Variants in CERS6 observed in about 807,000 individuals in gnomAD.
CERS6 encodes the protein ceramide synthase 6.
A neutral mutation model predicts 56.8 loss-of-function variants in CERS6; 26 were observed. The observed-to-expected ratio is 0.46, with a 90% confidence interval of 0.34 to 0.63. The LOEUF (loss-of-function observed/expected upper bound fraction) is 0.63, where lower values mean the gene tolerates loss of function less well. CERS6 is among the 30% of genes least tolerant of loss of function. CERS6 has a pLI of 0.01. For missense variants in CERS6, 415 were observed against 467.5 expected, an observed-to-expected ratio of 0.89 and a Z score of 1.04; for synonymous variants, 164 against 173.3, an observed-to-expected ratio of 0.95 and a Z score of 0.42.
intron 8 of CERS6, among the ~76,000 whole-genome samples, chr2:168,746,803 ATATATATATATATATAT>A (rs1684114938): frequency 9.0e-6 from 1 of 111,352 alleles, no homozygotes; most frequent in African/African-American, 3.8e-5. Flanking sequence ...ATATATATAT[ATATATATATATATATAT>A]AAAATCATCT....
At chr2:168,517,968 T>G (rs1694913562) in intron 1 of CERS6, among the ~76,000 whole-genome samples, 1 of 152,244 alleles carries the variant, frequency 6.6e-6, no homozygotes, top group Non-Finnish European at 1.5e-5. Context: ...CAATAGTGTA[T>G]GATGGCGATA....
intron 3 of CERS6, among the ~76,000 whole-genome samples, chr2:168,624,900 G>A (rs1684555185): frequency 6.6e-6 from 1 of 152,068 alleles, no homozygotes; most frequent in African/African-American, 2.4e-5. Flanking sequence ...TAGAGGTAAA[G>A]TGATTTATGT....
chr2:168,663,174 A>C lies in CERS6; in HGVS notation c.466-27860A>C, dbSNP rs372334196. ...ACTGATTTTTCATTCTTGTTTCCAA[A>C]TCACCATCCAGTTAAACACAGTGTA... On this transcript the variant is annotated intron_variant, in intron 4 of 9. Transcript: ENST00000305747. 4.3e-4 allele frequency among the ~76,000 whole-genome samples: 66 copies of C among 152,328 alleles called. No individual in the cohort carries two copies. In the Middle Eastern group the frequency reaches 0.01, roughly 24 times the overall value.
At chr2:168,499,915 CATT>C (rs1694549444) in intron 1 of CERS6, among the ~76,000 whole-genome samples, 2 of 152,116 alleles carry the variant, frequency 1.3e-5, no homozygotes, top group Non-Finnish European at 2.9e-5. Flanking sequence ...GGAAACCTCT[CATT>C]ATTGGGCTGG....
intron 3 of CERS6, among the ~76,000 whole-genome samples, chr2:168,618,583 A>C (rs902186741): frequency 1.3e-5 from 2 of 152,204 alleles, no homozygotes; most frequent in Non-Finnish European, 2.9e-5. Context: ...GTATACACCA[A>C]CAGCGACCAA....
Position 168,765,686 on chromosome 2 carries a change from T to C in CERS6, c.940T>C (p.Leu314=). The change falls in exon 9 of 10, where the codon TTG becomes CTG. Residue 314 remains leucine, a synonymous_variant. Coordinates refer to ENST00000305747, the MANE Select transcript of CERS6 (RefSeq NM_203463.3). ...FNLLLLLVQG[L]NCFWSYLIVK... ...CCTACTGCTATTGCTAGTACAAGGG[T>C]TGAACTGCTTCTGGTCTTACTTGAT... 6.2e-7 allele frequency: 1 copy of C among 1,614,160 alleles called. No individual in the cohort carries two copies. The highest frequency in any genetic ancestry group is 1.1e-5 in the South Asian group (1 of 91,076).
intron 8 of CERS6, among the ~76,000 whole-genome samples, chr2:168,736,523 A>T (rs1683722457): frequency 6.6e-6 from 1 of 151,988 alleles, no homozygotes; most frequent in African/African-American, 2.4e-5. Context: ...TAGCAACAGG[A>T]TCTCACCATG....
chr2:168,465,744 T>G (rs1693858963), intron 1 of CERS6, among the ~76,000 whole-genome samples: 1 of 152,184 alleles, frequency 6.6e-6, no homozygotes, highest in African/African-American at 2.4e-5. Flanking sequence ...GTGCAGAGTT[T>G]CAGTTTTGCA....
intron 4 of CERS6, among the ~76,000 whole-genome samples, chr2:168,686,721 C>T (rs1234833529): frequency 2.0e-5 from 3 of 152,118 alleles, no homozygotes; most frequent in Non-Finnish European, 4.4e-5. Flanking sequence ...AGTGGAAGAG[C>T]CCAGCTGGCC....
chr2:168,494,880 G>A (rs969857519), intron 1 of CERS6, among the ~76,000 whole-genome samples: 1 of 152,120 alleles, frequency 6.6e-6, no homozygotes, highest in East Asian at 1.9e-4. Context: ...CATTCTGTGG[G>A]GTGGGCCAGG....
intron 3 of CERS6, among the ~76,000 whole-genome samples, chr2:168,614,288 CAT>C (rs748776168): frequency 5.9e-5 from 9 of 152,216 alleles, no homozygotes; most frequent in Non-Finnish European, 1.2e-4. Flanking sequence ...TATACATATG[CAT>C]ATGTGTGAAC....
chr2:168,467,024 T>C (rs1693893378), intron 1 of CERS6, among the ~76,000 whole-genome samples: 1 of 152,222 alleles, frequency 6.6e-6, no homozygotes, highest in Non-Finnish European at 1.5e-5. Flanking sequence ...GTATTTTCTT[T>C]CTTTCCTTTC....
At chr2:168,558,683 C>T (rs1574064986) in intron 2 of CERS6, among the ~76,000 whole-genome samples, 1 of 152,190 alleles carries the variant, frequency 6.6e-6, no homozygotes, top group Admixed American at 6.5e-5. Context: ...TCCTGGCTAA[C>T]ACAGTGAAAC....
At chr2:168,478,142 T>G (rs1317174557) in intron 1 of CERS6, among the ~76,000 whole-genome samples, 2 of 152,124 alleles carry the variant, frequency 1.3e-5, no homozygotes, top group African/African-American at 4.8e-5. Context: ...GAGTACTTTC[T>G]CTTGAACTAG....
At chr2:168,678,240 G>A (rs796716506) in intron 4 of CERS6, among the ~76,000 whole-genome samples, 4 of 152,210 alleles carry the variant, frequency 2.6e-5, no homozygotes, top group African/African-American at 9.6e-5. Flanking sequence ...TTCCTAAATT[G>A]GATTCAGGGA....
At chr2:168,549,776 T>C (rs1695533460) in intron 2 of CERS6, among the ~76,000 whole-genome samples, 1 of 152,236 alleles carries the variant, frequency 6.6e-6, no homozygotes, top group African/African-American at 2.4e-5. Flanking sequence ...GCAGCAAAAG[T>C]TGGAACTGTT....
chr2:168,476,578 C>T (rs1190646795), intron 1 of CERS6, among the ~76,000 whole-genome samples: 1 of 152,088 alleles, frequency 6.6e-6, no homozygotes, highest in Non-Finnish European at 1.5e-5. Context: ...CTGCAATAGG[C>T]TGTCTGTAAG....
At chr2:168,500,765 A>G (rs1694565223) in intron 1 of CERS6, among the ~76,000 whole-genome samples, 1 of 152,238 alleles carries the variant, frequency 6.6e-6, no homozygotes, top group South Asian at 2.1e-4. Flanking sequence ...AGAGCACCTG[A>G]CTTACAAGAA....
At chr2:168,462,488 A>G (rs1693796120) in intron 1 of CERS6, among the ~76,000 whole-genome samples, 1 of 152,132 alleles carries the variant, frequency 6.6e-6, no homozygotes, top group African/African-American at 2.4e-5. Context: ...CTGACACCAT[A>G]ATCTTTATTG....
Sources: gnomAD v4.1 joint callset for allele counts (sites outside exome capture counted in the v4.1 genomes callset) on GRCh38, gnomAD v4.1.1 for gene constraint, MANE v1.5 for transcripts, NCBI Gene and HGNC (gene_info 2026-07-23, HGNC 2026-07-21) for gene names.